The following SLC4A5 variants were observed in gnomAD, a reference collection of about 807,000 sequenced individuals.
SLC4A5 encodes the protein solute carrier family 4 member 5.
In SLC4A5, 96 loss-of-function variants were observed where a neutral mutation model predicts 120.4. That is an observed-to-expected ratio of 0.80 (90% confidence interval 0.68 to 0.94). The LOEUF is 0.94. Ranked by LOEUF, SLC4A5 falls within the 40% of genes least tolerant of loss-of-function variation. SLC4A5 has a pLI of 0.00. For synonymous variants in SLC4A5, 550 were observed against 571.1 expected (o/e 0.96, Z 0.53); for missense variants, 1,259 against 1,459.5 (o/e 0.86, Z 2.24).
At chr2:74,289,386 G>A (rs774425852) in intron 7 of SLC4A5, among the ~76,000 whole-genome samples, 2 of 151,340 alleles carry the variant, frequency 1.3e-5, no homozygotes, top group African/African-American at 2.4e-5. Flanking sequence ...GCACAATCTT[G>A]GCTCACTGCA....
intron 3 of SLC4A5, among the ~76,000 whole-genome samples, chr2:74,338,389 C>T (rs1181579991): frequency 6.6e-6 from 1 of 152,166 alleles, no homozygotes; most frequent in African/African-American, 2.4e-5. Context: ...TTTTACCTTT[C>T]AGATCGGCAG....
rs991489478 is a variant in SLC4A5, at chr2:74,235,362, C to T, written c.2320-148G>A. 1.9e-5 allele frequency: 12 copies of T among 620,246 alleles called. No homozygotes were observed. The African/African-American group carries it at 2.2e-4, about 11-fold the overall frequency. 38.4% of individuals were successfully genotyped at this position (620,246 alleles called of 1,614,324 possible). The stretch of plus-strand genomic sequence containing the variant: ...CTAGGCTCAAATCCAGGCTCTGCTC[C>T]TTGCTAACTGTGTGAGCTTGGGGAA... On this transcript the variant is annotated intron_variant, in intron 21 of 30. Transcript: ENST00000394019.
intron 15 of SLC4A5, 133 bp from the exon 16 acceptor site, chr2:74,252,521 C>T: frequency 4.9e-6 from 5 of 1,023,744 alleles, no homozygotes; most frequent in Non-Finnish European, 7.0e-6. Context: ...ACGCAGGTCA[C>T]CTAGATTTTA....
At chr2:74,294,766 T>A (rs1672278368) in intron 7 of SLC4A5, among the ~76,000 whole-genome samples, 1 of 151,660 alleles carries the variant, frequency 6.6e-6, no homozygotes, top group Non-Finnish European at 1.5e-5. Flanking sequence ...CCGCCTCCAG[T>A]GTTCAAGCAA....
At chr2:74,284,826 A>G (rs1383657870) in intron 8 of SLC4A5, among the ~76,000 whole-genome samples, 1 of 152,046 alleles carries the variant, frequency 6.6e-6, no homozygotes, top group Non-Finnish European at 1.5e-5. Flanking sequence ...CTCTCCGTAT[A>G]TATGGAGTGC....
intron 16 of SLC4A5, 137 bp downstream of exon 16, chr2:74,252,042 G>T: frequency 4.3e-6 from 4 of 927,028 alleles, no homozygotes; most frequent in Middle Eastern, 5.7e-4. Context: ...GGGGTTCAAG[G>T]GCTCTGGGAG....
At chr2:74,241,683 G>A (rs564670337) in intron 20 of SLC4A5, among the ~76,000 whole-genome samples, 4 of 150,688 alleles carry the variant, frequency 2.7e-5, no homozygotes, top group East Asian at 3.9e-4. Flanking sequence ...TGGAGGTTGC[G>A]GTGAGCCAAG....
chr2:74,255,525 C>T lies in SLC4A5; in HGVS notation c.1025+250G>A, dbSNP rs1670936090. 6.6e-6 allele frequency among the ~76,000 whole-genome samples: 1 copy of T among 152,122 alleles called. No individual in the cohort carries two copies. The highest frequency in any genetic ancestry group is 2.4e-5 in the African/African-American group (1 of 41,420). ...GGCCAGGCTGGTCTCGAACTCCTGA[C>T]CTCATGATCTGCCCACCTTGGCATC... is the stretch of plus-strand genomic sequence containing the variant. On this transcript the variant is annotated intron_variant, in intron 13 of 30. Coordinates refer to ENST00000394019, the Ensembl canonical transcript of SLC4A5. This position sits in a 1 kb window ranked among gnomAD's most constrained non-coding sequence, Gnocchi z 4.0.
chr2:74,288,701 G>T (rs1035368452), intron 7 of SLC4A5, among the ~76,000 whole-genome samples: 1 of 152,058 alleles, frequency 6.6e-6, no homozygotes, highest in Non-Finnish European at 1.5e-5. Flanking sequence ...TATAAATGAG[G>T]TCACCCTTGT....
intron 3 of SLC4A5, among the ~76,000 whole-genome samples, chr2:74,335,091 A>T (rs1217185117): frequency 6.6e-6 from 1 of 152,168 alleles, no homozygotes; most frequent in Admixed American, 6.5e-5. Context: ...GCCACAGATT[A>T]TGTATCCTCC....
At chr2:74,252,854 T>TC (rs1166907281) in intron 15 of SLC4A5, 120 bp downstream of exon 15, 1 of 1,225,186 alleles carries the variant, frequency 8.2e-7, no homozygotes, top group Non-Finnish European at 1.2e-6. Flanking sequence ...TCCCAAAGTG[T>TC]TGAGATTACA....
intron 28 of SLC4A5, among the ~76,000 whole-genome samples, 157 bp downstream of exon 28, chr2:74,224,683 C>T (rs533718039): frequency 2.0e-5 from 3 of 152,236 alleles, no homozygotes; most frequent in East Asian, 3.9e-4. Flanking sequence ...GCCCTCAACA[C>T]CCCAGACCAA....
chr2:74,252,280 G>A (rs752625386), exon 16 of SLC4A5: 11 of 1,611,196 alleles, frequency 6.8e-6, no homozygotes, highest in Middle Eastern at 1.6e-4. Context: ...CAGCCCCGCC[G>A]CCACTGCCAC....
At chr2:74,253,655 A>G (rs6546897) in intron 14 of SLC4A5, among the ~76,000 whole-genome samples, 2,959 of 152,312 alleles carry the variant, frequency 0.019, 102 homozygotes, top group African/African-American at 0.068. Context: ...ATTTTACATA[A>G]ACACACTCTT....
chr2:74,294,295 A>T (rs1254529637), intron 7 of SLC4A5, among the ~76,000 whole-genome samples: 2 of 152,250 alleles, frequency 1.3e-5, no homozygotes, highest in African/African-American at 2.4e-5. Context: ...CCCGAGCATT[A>T]TAAGACCCAA....
exon 9 of SLC4A5, chr2:74,265,229 C>T: frequency 6.2e-7 from 1 of 1,614,208 alleles, no homozygotes; most frequent in Non-Finnish European, 8.5e-7. Flanking sequence ...CCAGCGTTCG[C>T]CGCCTTCCTC....
chr2:74,256,323 T>G (rs1670964066), intron 12 of SLC4A5, among the ~76,000 whole-genome samples: 1 of 152,160 alleles, frequency 6.6e-6, no homozygotes, highest in African/African-American at 2.4e-5. Flanking sequence ...CACCCAGACC[T>G]CCCCTCTCCA....
chr2:74,301,677 C>T (rs1672479399), intron 7 of SLC4A5, among the ~76,000 whole-genome samples: 1 of 152,234 alleles, frequency 6.6e-6, no homozygotes, highest in African/African-American at 2.4e-5. Flanking sequence ...TTGGCACTAT[C>T]CCTGAGATGT....
chr2:74,236,291 C>T (rs1443295934), intron 21 of SLC4A5, among the ~76,000 whole-genome samples: 5 of 152,170 alleles, frequency 3.3e-5, no homozygotes, highest in African/African-American at 4.8e-5. Flanking sequence ...TGCCTCCTGT[C>T]CTTTCCTTAT....
Sources: allele counts gnomAD v4.1 joint callset (sites outside exome capture counted in the v4.1 genomes callset), GRCh38; gene constraint gnomAD v4.1.1; non-coding constraint Gnocchi (gnomAD v3.1); transcripts MANE v1.5; gene names NCBI Gene and HGNC (gene_info 2026-07-23, HGNC 2026-07-21).